Variants in EYS observed in about 807,000 individuals in gnomAD.
EYS encodes EGF-like photoreceptor maintenance factor, also known as protein eyes shut homolog.
Under a neutral mutation model 282.1 loss-of-function variants are expected in EYS, and 250 were observed. The ratio of observed to expected loss-of-function variants is 0.89; its 90% CI spans 0.80 to 0.98. The LOEUF is 0.98. Ranked by LOEUF, EYS falls within the 50% of genes least tolerant of loss-of-function variation. EYS has a pLI of 0.00. For synonymous variants in EYS, 1,355 were observed against 1,282.9 expected, an observed-to-expected ratio of 1.06 and a Z score of -1.20; for missense variants, 4,016 against 3,709.0, an observed-to-expected ratio of 1.08 and a Z score of -2.15.
chr6:64,742,405 C>T (rs1048870310), intron 22 of EYS, among the ~76,000 whole-genome samples: 1 of 152,030 alleles, frequency 6.6e-6, no homozygotes, highest in Non-Finnish European at 1.5e-5. Flanking sequence ...GTGAAAATTA[C>T]CAAAAAGTGA....
intron 11 of EYS, chr6:65,331,105 T>G (rs548487532): frequency 1.0e-6 from 1 of 982,710 alleles, no homozygotes; most frequent in African/African-American, 1.7e-5. Context: ...CCCATTAGTC[T>G]TCCTTTTCAA....
chr6:64,091,971 A>T (rs1772379748), intron 31 of EYS, among the ~76,000 whole-genome samples: 2 of 152,024 alleles, frequency 1.3e-5, no homozygotes, highest in South Asian at 2.1e-4. Context: ...TCATTGTTCA[A>T]TTCCCACCTA....
chr6:64,051,949 GT>G (rs1281792162), intron 33 of EYS, among the ~76,000 whole-genome samples: 1 of 151,158 alleles, frequency 6.6e-6, no homozygotes, highest in Non-Finnish European at 1.5e-5. Flanking sequence ...TGTTCATCTA[GT>G]TGTTCTAACT....
At chr6:64,802,330 G>C (rs1397951599) in intron 22 of EYS, among the ~76,000 whole-genome samples, 1 of 151,898 alleles carries the variant, frequency 6.6e-6, no homozygotes, top group Non-Finnish European at 1.5e-5. Flanking sequence ...GGGATTACAG[G>C]AGTGAGCCAC....
rs183621942 is a variant in EYS, at chr6:65,570,839, A to T, written c.-333+68939T>A. ...AAATAAATAGAAGTGAATACCTTTT[A>T]AAATGAATGTCTTCAGTAGATTAAA... is the stretch of plus-strand genomic sequence containing the variant. On this transcript the variant is annotated intron_variant, in intron 2 of 42. Coordinates refer to ENST00000503581, the MANE Select transcript of EYS (RefSeq NM_001142800.2). Among the ~76,000 whole-genome samples the T allele has an allele frequency of 3.1e-4, 47 of 152,308 alleles. 1 individual carries two copies. The highest frequency in any genetic ancestry group is 2.9e-3 in the East Asian group (15 of 5,172).
intron 14 of EYS, among the ~76,000 whole-genome samples, chr6:64,962,186 T>C (rs1037957565): frequency 3.9e-5 from 6 of 152,156 alleles, no homozygotes; most frequent in Non-Finnish European, 8.8e-5. Context: ...TTCTAGCCAT[T>C]AGTTCTTTCT....
At chr6:64,537,526 G>C (rs955990061) in intron 26 of EYS, among the ~76,000 whole-genome samples, 1 of 152,046 alleles carries the variant, frequency 6.6e-6, no homozygotes, top group African/African-American at 2.4e-5. Context: ...TTCTTTGACA[G>C]TAAAACATAT....
intron 33 of EYS, 21 bp downstream of exon 33, chr6:64,066,317 A>G: frequency 6.5e-7 from 1 of 1,531,580 alleles, no homozygotes; most frequent in Non-Finnish European, 8.8e-7. Flanking sequence ...CGAAAGAACT[A>G]CCGTGGAGTA....
intron 28 of EYS, among the ~76,000 whole-genome samples, chr6:64,394,985 A>T (rs138514576): frequency 0.28 from 42,114 of 152,002 alleles, 5,942 homozygotes; most frequent in East Asian, 0.46. Context: ...ATGAACAGAC[A>T]CTTCTCGAAA....
At chr6:64,768,422 T>A (rs1583135777) in intron 22 of EYS, among the ~76,000 whole-genome samples, 1 of 152,138 alleles carries the variant, frequency 6.6e-6, no homozygotes, top group East Asian at 1.9e-4. Flanking sequence ...TGAATTCTAT[T>A]TTATGAGAAA....
chr6:65,522,660 C>T (rs969575791), intron 2 of EYS, among the ~76,000 whole-genome samples: 5 of 152,064 alleles, frequency 3.3e-5, no homozygotes, highest in Non-Finnish European at 7.4e-5. Context: ...AAATTATATG[C>T]TAATTTTTAT....
At chr6:64,817,062 G>A (rs922227849) in intron 21 of EYS, among the ~76,000 whole-genome samples, 1 of 151,770 alleles carries the variant, frequency 6.6e-6, no homozygotes, top group African/African-American at 2.4e-5. Context: ...TTCCCATTTT[G>A]CAAGATCTTG....
intron 34 of EYS, 103 bp from the exon 35 acceptor site, chr6:63,984,706 T>C: frequency 2.1e-6 from 2 of 959,678 alleles, no homozygotes; most frequent in South Asian, 3.0e-5. Context: ...TTAATGTGTT[T>C]TTCTGTGTAA....
chr6:64,702,267 G>C (rs1770818694), intron 22 of EYS, among the ~76,000 whole-genome samples: 1 of 152,004 alleles, frequency 6.6e-6, no homozygotes, highest in African/African-American at 2.4e-5. Flanking sequence ...AGATGAAATA[G>C]AGAACAGAGC....
chr6:63,939,693 G>A (rs1280597357), intron 35 of EYS, among the ~76,000 whole-genome samples: 1 of 151,358 alleles, frequency 6.6e-6, no homozygotes, highest in Non-Finnish European at 1.5e-5. Context: ...AAACCATATA[G>A]CCCAGAAATA....
At chr6:64,645,395 T>A (rs1316052718) in intron 22 of EYS, among the ~76,000 whole-genome samples, 1 of 152,234 alleles carries the variant, frequency 6.6e-6, no homozygotes, top group Non-Finnish European at 1.5e-5. Context: ...CTGTATGTAA[T>A]CATGGATCTG....
chr6:64,575,917 T>G (rs1163192903), intron 26 of EYS, among the ~76,000 whole-genome samples: 1 of 152,110 alleles, frequency 6.6e-6, no homozygotes, highest in South Asian at 2.1e-4. Flanking sequence ...TAAATTCATA[T>G]AATCCTCAAA....
chr6:64,234,428 G>C (rs1766521360), intron 30 of EYS, among the ~76,000 whole-genome samples: 2 of 135,406 alleles, frequency 1.5e-5, no homozygotes, highest in Admixed American at 1.5e-4. Context: ...AAAATCTGCA[G>C]AGTGTTTTTA....
chr6:65,171,403 ACCTTT>A, intron 12 of EYS, among the ~76,000 whole-genome samples: 1 of 151,652 alleles, frequency 6.6e-6, no homozygotes, highest in African/African-American at 2.4e-5. Flanking sequence ...CAGAGGCTAA[ACCTTT>A]ACTTAACTTT....
Sources: gnomAD v4.1 joint callset for allele counts (sites outside exome capture counted in the v4.1 genomes callset) on GRCh38, gnomAD v4.1.1 for gene constraint, MANE v1.5 for transcripts, NCBI Gene and HGNC (gene_info 2026-07-23, HGNC 2026-07-21) for gene names.